Variants in MYO3B observed in about 807,000 individuals in gnomAD.
The protein encoded by MYO3B is myosin IIIB, also known as myosin-IIIb.
Under a neutral mutation model 174.6 loss-of-function variants are expected in MYO3B, and 156 were observed. The ratio of observed to expected loss-of-function variants is 0.89; its 90% CI spans 0.78 to 1.02. MYO3B has a LOEUF of 1.02. Ranked by LOEUF, MYO3B falls within the 50% of genes least tolerant of loss-of-function variation. The pLI is 0.00. For missense variants in MYO3B, 1,632 were observed against 1,639.4 expected (o/e 1.00, Z 0.08); for synonymous variants, 563 against 569.1 (o/e 0.99, Z 0.15).
intron 25 of MYO3B, among the ~76,000 whole-genome samples, chr2:170,477,855 G>A (rs1685411549): frequency 6.6e-6 from 1 of 151,992 alleles, no homozygotes; most frequent in Admixed American, 6.6e-5. Context: ...TAAAAAAGAA[G>A]TTGAGAGGTA....
chr2:170,418,474 G>T (rs1169545473), intron 22 of MYO3B, among the ~76,000 whole-genome samples: 3 of 152,160 alleles, frequency 2.0e-5, no homozygotes, highest in Non-Finnish European at 4.4e-5. Context: ...AGAGTTTGTA[G>T]ACCTCTTTGT....
chr2:170,627,800 T>C (rs1468519013), intron 32 of MYO3B, among the ~76,000 whole-genome samples: 3 of 152,194 alleles, frequency 2.0e-5, no homozygotes, highest in African/African-American at 7.2e-5. Context: ...TCTGTTGGAG[T>C]TTGTTGGAGG....
intron 32 of MYO3B, among the ~76,000 whole-genome samples, chr2:170,625,775 A>G (rs1291143701): frequency 1.3e-5 from 2 of 152,172 alleles, no homozygotes; most frequent in African/African-American, 4.8e-5. Context: ...ATTGGTTTCA[A>G]AGAACATCTT....
chr2:170,386,334 G>A, intron 13 of MYO3B, 62 bp downstream of exon 13: 1 of 1,379,094 alleles, frequency 7.3e-7, no homozygotes, highest in African/African-American at 1.4e-5. Flanking sequence ...CTGCATATTT[G>A]ATAAATGATG....
At chr2:170,187,554 C>G (rs755972658) in intron 1 of MYO3B, among the ~76,000 whole-genome samples, 115 of 152,246 alleles carry the variant, frequency 7.6e-4, no homozygotes, top group Non-Finnish European at 1.3e-3. Context: ...TAACATGCAT[C>G]ATTAAGTTGT....
At chr2:170,558,994 G>A (rs1575164137) in intron 32 of MYO3B, among the ~76,000 whole-genome samples, 2 of 152,336 alleles carry the variant, frequency 1.3e-5, no homozygotes, top group East Asian at 3.9e-4. Context: ...GCTGCATGGA[G>A]TTATTCTTGT....
chr2:170,291,241 A>G (rs1279033242), intron 7 of MYO3B, among the ~76,000 whole-genome samples: 1 of 152,022 alleles, frequency 6.6e-6, no homozygotes, highest in Non-Finnish European at 1.5e-5. Context: ...CAACAGTGAG[A>G]CTCCATTTGA....
intron 32 of MYO3B, among the ~76,000 whole-genome samples, chr2:170,562,817 G>T (rs967327930): frequency 2.0e-5 from 3 of 152,128 alleles, no homozygotes; most frequent in African/African-American, 7.2e-5. Flanking sequence ...AATTTCTGTA[G>T]CCATGAAGTG....
At position 170,615,674 on chromosome 2, in the gene MYO3B, G is replaced by T. The variant is rs146944491; in HGVS notation, c.3734-35954G>T. Among the ~76,000 whole-genome samples, 14 of 152,330 alleles carry T rather than the reference G, an allele frequency of 9.2e-5. No homozygotes were observed. The East Asian group carries it at 2.5e-3, about 27-fold the overall frequency. ...ACGCAGATTAGTATTGCAGGATCTG[G>T]TCAGCAGCCCACAATGCAATGGGGC... On this transcript the variant is annotated intron_variant, in intron 32 of 34. Transcript: ENST00000408978.
At chr2:170,471,417 G>A (rs1684969585) in intron 25 of MYO3B, among the ~76,000 whole-genome samples, 1 of 152,088 alleles carries the variant, frequency 6.6e-6, no homozygotes, top group Non-Finnish European at 1.5e-5. Flanking sequence ...TTCAATTTAT[G>A]TATGTTTTCT....
intron 32 of MYO3B, among the ~76,000 whole-genome samples, chr2:170,615,473 C>A (rs774307535): frequency 3.9e-5 from 6 of 152,332 alleles, no homozygotes; most frequent in Non-Finnish European, 8.8e-5. Context: ...GAAGTGAGAG[C>A]AAAGCTGGTA....
chr2:170,348,468 C>T (rs574721361), intron 8 of MYO3B: 1 of 152,270 alleles, frequency 6.6e-6, no homozygotes, highest in African/African-American at 2.4e-5. Context: ...GAACTGCTGA[C>T]CTCAGGTGAT....
chr2:170,405,644 T>C lies in MYO3B; in HGVS notation c.2520+11T>C, dbSNP rs1200764347. On this transcript the variant is annotated intron_variant, in intron 21 of 34. Coordinates refer to ENST00000408978, the MANE Select transcript of MYO3B (RefSeq NM_138995.5). Reference sequence around the variant, plus strand: ...CATTATGCTGGAAAGGTGAGGCCAGTGTGACAGTTATTAGACCTGAATTTG... The same window carrying C: ...CATTATGCTGGAAAGGTGAGGCCAGCGTGACAGTTATTAGACCTGAATTTG... 1.2e-6 allele frequency: 2 copies of C among 1,613,588 alleles called. No homozygotes were observed.
chr2:170,624,207 A>G lies in MYO3B; in HGVS notation c.3734-27421A>G, dbSNP rs551962306. 3.9e-5 allele frequency among the ~76,000 whole-genome samples: 6 copies of G among 152,326 alleles called. No homozygotes were observed. The South Asian group carries it at 1.2e-3, about 32-fold the overall frequency. ...ATATTGATTCTTCCTATCCATGAGC[A>G]TGGAATGTTCTTCCATTTGTTTGTG... On this transcript the variant is annotated intron_variant, in intron 32 of 34. Transcript: ENST00000408978.
chr2:170,407,525 G>C (rs1426181990), intron 21 of MYO3B, among the ~76,000 whole-genome samples, 190 bp from the exon 22 acceptor site: 2 of 148,542 alleles, frequency 1.3e-5, no homozygotes, highest in African/African-American at 4.9e-5. Context: ...AAAGCAACTA[G>C]ACAATAAGTT....
At chr2:170,601,612 A>G (rs936439908) in intron 32 of MYO3B, 2 of 1,202,342 alleles carry the variant, frequency 1.7e-6, no homozygotes, top group Admixed American at 1.7e-5. Flanking sequence ...GAACCAACTT[A>G]TTCATCATCA....
intron 16 of MYO3B, 34 bp from the exon 17 acceptor site, chr2:170,400,154 G>A: frequency 6.2e-7 from 1 of 1,613,614 alleles, no homozygotes; most frequent in East Asian, 2.2e-5. Context: ...GACTGGCAAT[G>A]ACCTTCATAT....
intron 29 of MYO3B, 134 bp downstream of exon 29, chr2:170,515,156 G>C (rs1688229036): frequency 2.8e-6 from 2 of 720,302 alleles, no homozygotes; most frequent in Non-Finnish European, 4.5e-6. Flanking sequence ...ATAGGTGACA[G>C]CCAATTAAAT....
chr2:170,489,484 C>A (rs1412234182), intron 25 of MYO3B, among the ~76,000 whole-genome samples: 1 of 152,196 alleles, frequency 6.6e-6, no homozygotes, highest in African/African-American at 2.4e-5. Flanking sequence ...AAGGAAGTCA[C>A]TAAAAACAAC....
Sources: gnomAD v4.1 joint callset for allele counts (sites outside exome capture counted in the v4.1 genomes callset) on GRCh38, gnomAD v4.1.1 for gene constraint, MANE v1.5 for transcripts, NCBI Gene and HGNC (gene_info 2026-07-23, HGNC 2026-07-21) for gene names.